Variants in MTUS2 observed in about 807,000 individuals in gnomAD.
The protein encoded by MTUS2 is microtubule-associated tumor suppressor candidate 2.
A neutral mutation model predicts 114.1 loss-of-function variants in MTUS2; 40 were observed. The ratio of observed to expected loss-of-function variants is 0.35; its 90% CI spans 0.27 to 0.46. MTUS2 has a LOEUF of 0.46. Among genes scored for constraint, MTUS2 ranks in the 20% least tolerant of loss-of-function variants. The probability of loss-of-function intolerance (pLI) is 1.00; values close to 1 mark genes in which losing one functional copy is unlikely to be tolerated. For synonymous variants in MTUS2, 688 were observed against 672.0 expected (o/e 1.02, Z -0.37); for missense variants, 1,679 against 1,705.4 (o/e 0.98, Z 0.27).
At chr13:29,365,947 C>T (rs183481284) in intron 8 of MTUS2, among the ~76,000 whole-genome samples, 1 of 152,198 alleles carries the variant, frequency 6.6e-6, no homozygotes, top group African/African-American at 2.4e-5. Flanking sequence ...GTTTTCTCAG[C>T]CCCAGAACCT....
intron 5 of MTUS2, among the ~76,000 whole-genome samples, chr13:29,275,407 G>A (rs955533241): frequency 2.0e-5 from 3 of 152,100 alleles, no homozygotes; most frequent in Admixed American, 6.5e-5. Flanking sequence ...ATTTTTAAAT[G>A]TATAATTAAA....
Position 29,024,531 on chromosome 13 carries a change from C to A in MTUS2, c.-168C>A. The A allele has an allele frequency of 1.3e-6, 1 of 771,432 alleles. No homozygotes were observed. Among genetic ancestry groups the A allele is most frequent in the Non-Finnish European group, 2.1e-6 (1 of 485,336 alleles). The allele number at this position is 771,432 out of a possible 1,614,324, so 47.8% of individuals were successfully genotyped here. A position where few individuals can be genotyped will look rare whatever the true frequency, so the allele number is the denominator to read the frequency against. Reference sequence around the variant, plus strand: ...CTTCCTGCTGTATATCAAGACAATGCTTGGTTTTCAAGCTGTTCTGAGAAT... The same window carrying A: ...CTTCCTGCTGTATATCAAGACAATGATTGGTTTTCAAGCTGTTCTGAGAAT... On this transcript the variant is annotated 5_prime_UTR_variant, in exon 3 of 16. Transcript: ENST00000612955.
chr13:28,900,447 T>G (rs1243991662), intron 2 of MTUS2, among the ~76,000 whole-genome samples: 4 of 152,190 alleles, frequency 2.6e-5, no homozygotes, highest in Non-Finnish European at 5.9e-5. Flanking sequence ...CCCAACCTGC[T>G]CTCTGCCATC....
At chr13:29,335,798 C>T (rs1173827158) in intron 7 of MTUS2, among the ~76,000 whole-genome samples, 1 of 152,148 alleles carries the variant, frequency 6.6e-6, no homozygotes, top group East Asian at 1.9e-4. Context: ...AACTTGGTTC[C>T]TTTCTCACCA....
In MTUS2 at chr13:28,820,466, G is replaced by C. The variant is rs1017596118; in HGVS notation, c.-461G>C. On this transcript the variant is annotated 5_prime_UTR_variant, in exon 1 of 16. Transcript: ENST00000612955. ...CTGCGGAAACCCTTGACCGCTTAGCGGAGTACAGACCTGTCGGTAAATAGA... is the reference window on the plus strand; with the variant it reads ...CTGCGGAAACCCTTGACCGCTTAGCCGAGTACAGACCTGTCGGTAAATAGA... The C allele has an allele frequency of 6.6e-6, 1 of 152,232 alleles. No homozygotes were observed. The highest frequency in any genetic ancestry group is 1.9e-4 in the East Asian group (1 of 5,188). The allele number at this position is 152,232 out of a possible 1,614,324, so 9.4% of individuals were successfully genotyped here.
chr13:28,924,589 C>T (rs192691004), intron 2 of MTUS2, among the ~76,000 whole-genome samples: 42 of 152,250 alleles, frequency 2.8e-4, no homozygotes, highest in Middle Eastern at 3.4e-3. Flanking sequence ...GGAATAAAGG[C>T]GGGGAGCTGC....
At chr13:29,489,266 C>CA (rs1043849428) in intron 11 of MTUS2, among the ~76,000 whole-genome samples, 2 of 149,616 alleles carry the variant, frequency 1.3e-5, no homozygotes, top group East Asian at 1.9e-4. Context: ...AACTCCGCCT[C>CA]AAAAAAAAAG....
At chr13:29,172,228 A>G (rs1312331137) in intron 5 of MTUS2, among the ~76,000 whole-genome samples, 2 of 152,210 alleles carry the variant, frequency 1.3e-5, no homozygotes, top group African/African-American at 2.4e-5. Flanking sequence ...ACTGAGCCTC[A>G]ATCCCATCAT....
intron 2 of MTUS2, among the ~76,000 whole-genome samples, chr13:28,967,219 C>T (rs1216016135): frequency 6.6e-6 from 1 of 152,290 alleles, no homozygotes. Context: ...AATTTAACTT[C>T]TTTTGCTTTG....
chr13:28,842,199 G>GA (rs1167054209), intron 2 of MTUS2, among the ~76,000 whole-genome samples: 1 of 151,246 alleles, frequency 6.6e-6, no homozygotes, highest in Non-Finnish European at 1.5e-5. Flanking sequence ...ATGTTTTGAA[G>GA]AAAAAAATGT....
chr13:29,024,396 T>A (rs1465778990), intron 2 of MTUS2, 61 bp from the exon 3 acceptor site: 3 of 326,666 alleles, frequency 9.2e-6, no homozygotes, highest in Non-Finnish European at 1.7e-5. Context: ...GTTTACCACT[T>A]TTTTCTCCTG....
At chr13:29,281,215 A>G (rs1277114234) in intron 5 of MTUS2, among the ~76,000 whole-genome samples, 1 of 152,124 alleles carries the variant, frequency 6.6e-6, no homozygotes, top group Non-Finnish European at 1.5e-5. Context: ...AATGAGCGAG[A>G]TTTCAGGGAT....
chr13:29,362,739 AGTT>A (rs1300114157), intron 8 of MTUS2, among the ~76,000 whole-genome samples: 2 of 152,216 alleles, frequency 1.3e-5, no homozygotes, highest in African/African-American at 4.8e-5. Context: ...ATAGCTCTTC[AGTT>A]GCTGCTATAT....
intron 2 of MTUS2, among the ~76,000 whole-genome samples, chr13:28,912,873 AAT>A (rs1346544815): frequency 1.1e-3 from 161 of 152,130 alleles, no homozygotes; most frequent in South Asian, 7.5e-3. Context: ...TTTTAAAAAA[AAT>A]TTTGTTATTA....
chr13:29,216,197 C>T (rs966752389), intron 5 of MTUS2, among the ~76,000 whole-genome samples: 3 of 152,256 alleles, frequency 2.0e-5, no homozygotes, highest in Non-Finnish European at 4.4e-5. Flanking sequence ...ACTGCCTACT[C>T]AGGTTTCAGT....
chr13:29,128,470 G>C (rs911092983), intron 5 of MTUS2, among the ~76,000 whole-genome samples: 1 of 152,086 alleles, frequency 6.6e-6, no homozygotes, highest in Non-Finnish European at 1.5e-5. Flanking sequence ...GGATTATTTC[G>C]CATTATAAAT....
chr13:28,852,602 T>C (rs1352574966), intron 2 of MTUS2, among the ~76,000 whole-genome samples: 3 of 152,122 alleles, frequency 2.0e-5, no homozygotes, highest in African/African-American at 4.8e-5. Flanking sequence ...CAATGACTCA[T>C]GCCCATAATC....
At position 29,361,694 on chromosome 13, in the gene MTUS2, C is replaced by T. The variant is rs560168516; in HGVS notation, c.3117+2221C>T. ...CCAGGTCAGGAGAACCCAAGGTACC[C>T]CATGTCACCCTTGTGAGAAACCCAT... On this transcript the variant is annotated intron_variant, in intron 8 of 15. Coordinates refer to ENST00000612955, the MANE Select transcript of MTUS2 (RefSeq NM_001033602.4). Among the ~76,000 whole-genome samples, 5 of 152,236 alleles carry T rather than the reference C, an allele frequency of 3.3e-5. No homozygotes were observed. In the East Asian group the frequency reaches 5.8e-4, roughly 18 times the overall value.
intron 2 of MTUS2, among the ~76,000 whole-genome samples, chr13:28,880,616 A>T (rs1878230071): frequency 6.6e-6 from 1 of 152,236 alleles, no homozygotes; most frequent in Non-Finnish European, 1.5e-5. Context: ...AAATTTGGGA[A>T]ACTGTAAAAA....
Sources: gnomAD v4.1 joint callset for allele counts (sites outside exome capture counted in the v4.1 genomes callset) on GRCh38, gnomAD v4.1.1 for gene constraint, MANE v1.5 for transcripts, NCBI Gene and HGNC (gene_info 2026-07-23, HGNC 2026-07-21) for gene names.